DENND3: variants seen among roughly 807,000 people sequenced by gnomAD.
DENND3 encodes DENN domain containing 3.
DENND3 carries 88 observed loss-of-function variants against 135.1 expected under a neutral mutation model. The ratio of observed to expected loss-of-function variants is 0.65; its 90% CI spans 0.55 to 0.78. The LOEUF (loss-of-function observed/expected upper bound fraction) is 0.78, where lower values mean the gene tolerates loss of function less well. DENND3 is among the 30% of genes least tolerant of loss of function. DENND3 has a pLI of 0.00. For synonymous variants in DENND3, 693 were observed against 712.3 expected (o/e 0.97, Z 0.43); for missense variants, 1,392 against 1,688.4 (o/e 0.82, Z 3.08).
At position 141,168,919 on chromosome 8, in the gene DENND3, C is replaced by T. The variant is rs1355775015; in HGVS notation, c.2275+394C>T. Among the ~76,000 whole-genome samples the T allele has an allele frequency of 6.6e-6, 1 of 152,088 alleles. No homozygotes were observed. The highest frequency in any genetic ancestry group is 2.4e-5 in the African/African-American group (1 of 41,398). ...TGTCTCCCAGGTTGGAGTACAATGG[C>T]ACGATCTTGGCTCACTGCAACCTCT... On this transcript the variant is annotated intron_variant, in intron 13 of 22. Transcript: ENST00000519811. This position sits in a 1 kb window ranked among gnomAD's most constrained non-coding sequence, Gnocchi z 6.2.
intron 9 of DENND3, among the ~76,000 whole-genome samples, chr8:141,162,030 C>G (rs567786109): frequency 1.3e-5 from 2 of 152,266 alleles, no homozygotes; most frequent in East Asian, 3.9e-4. Context: ...GTCTCCAACT[C>G]CTGACCTCAG....
In DENND3 at chr8:141,141,112, T is replaced by C. The variant is rs1817399336; in HGVS notation, c.502-91T>C. On this transcript the variant is annotated intron_variant, in intron 3 of 22. Transcript: ENST00000519811. This position sits in a 1 kb window ranked among gnomAD's most constrained non-coding sequence, Gnocchi z 5.3. ...GGGGTGGGGATGGTGGACTCTCAGC[T>C]TGCTGTGTGCTGAAACGTGACCCAG... 1 of 1,589,782 alleles carries C rather than the reference T, an allele frequency of 6.3e-7. No individual in the cohort carries two copies. Among genetic ancestry groups the C allele is most frequent in the Non-Finnish European group, 8.6e-7 (1 of 1,164,500 alleles).
intron 16 of DENND3, 64 bp from the exon 17 acceptor site, chr8:141,180,683 C>A: frequency 7.0e-7 from 1 of 1,428,774 alleles, no homozygotes; most frequent in Non-Finnish European, 9.7e-7. Flanking sequence ...GTGCGTGAGG[C>A]CGTTGCATCG....
intron 8 of DENND3, chr8:141,157,759 CTTTT>C (rs374868733): frequency 2.6e-4 from 244 of 941,478 alleles, no homozygotes; most frequent in Middle Eastern, 5.5e-4. Flanking sequence ...AAAACTACCT[CTTTT>C]TTTTTTTTTT....
intron 17 of DENND3, chr8:141,184,472 T>A (rs1268367253): frequency 1.3e-5 from 2 of 150,122 alleles, no homozygotes; most frequent in East Asian, 3.9e-4. Context: ...CCTCGTCTAT[T>A]AAAAAGTAAA....
chr8:141,155,728 G>A (rs1819354137), intron 7 of DENND3, 121 bp from the exon 8 acceptor site: 2 of 1,295,556 alleles, frequency 1.5e-6, no homozygotes, highest in African/African-American at 3.0e-5. Context: ...TTTAAAGAGG[G>A]TCATTTAATT....
rs146326338 is a variant in DENND3 at position 141,194,235 on chromosome 8, C to T, written c.*2C>T. ...GTCGCCATTTGGAAAGGCGAATAAA[C>T]GTGGCTGAGTCTGCCAAGTGGAACT... On this transcript the variant is annotated 3_prime_UTR_variant, in exon 23 of 23. Coordinates refer to ENST00000519811, the MANE Select transcript of DENND3 (RefSeq NM_001352890.3). 98 of 1,611,268 alleles carry T rather than the reference C, an allele frequency of 6.1e-5. No homozygotes were observed. The highest frequency in any genetic ancestry group is 4.3e-4 in the African/African-American group (32 of 75,054).
At chr8:141,153,606 G>A (rs947841732) in intron 7 of DENND3, among the ~76,000 whole-genome samples, 2 of 152,230 alleles carry the variant, frequency 1.3e-5, no homozygotes, top group Admixed American at 6.5e-5. Flanking sequence ...CCCGCTGCGG[G>A]GGAGAACAGT....
chr8:141,186,692 T>C lies in DENND3; in HGVS notation c.3084+1414T>C, dbSNP rs535331437. Among the ~76,000 whole-genome samples the C allele has an allele frequency of 3.8e-4, 58 of 152,356 alleles. No homozygotes were observed. The South Asian group carries it at 0.011, about 30-fold the overall frequency. The stretch of plus-strand genomic sequence containing the variant: ...GATAATTTTAAAACAAGTGCAACTG[T>C]TAATACATTTTTAGTAGTGTGTCCT... On this transcript the variant is annotated intron_variant, in intron 18 of 22. Coordinates refer to ENST00000519811, the MANE Select transcript of DENND3 (RefSeq NM_001352890.3).
At position 141,166,930 on chromosome 8, in the gene DENND3, C is replaced by T. The variant is rs1406879629; in HGVS notation, c.1753+541C>T. On this transcript the variant is annotated intron_variant, in intron 12 of 22. Transcript: ENST00000519811. The surrounding 1 kb of genome is among the most constrained non-coding windows in gnomAD (Gnocchi z 4.3). ...AGCCTCGCGCCTTCTTGGGGAGGTA[C>T]GTCCTGTCCCTAGTGAATGGGAGAA... is the stretch of plus-strand genomic sequence containing the variant. Among the ~76,000 whole-genome samples the T allele has an allele frequency of 2.0e-5, 3 of 152,130 alleles. No individual in the cohort carries two copies. The highest frequency in any genetic ancestry group is 1.3e-4 in the Admixed American group (2 of 15,280).
At chr8:141,185,556 G>T in intron 18 of DENND3, 1 of 346,124 alleles carries the variant, frequency 2.9e-6, no homozygotes, top group Non-Finnish European at 5.5e-6. Context: ...AGATTGCAGG[G>T]GCTCACACCT....
rs1230494944 is a variant in DENND3, at chr8:141,154,904, G to A, written c.1075-945G>A. ...CTGAAAGAGAAAGGCATATGGGTAA[G>A]CAAAATGTGGTCTTTCCAAATAATG... On this transcript the variant is annotated intron_variant, in intron 7 of 22. Coordinates refer to ENST00000519811, the MANE Select transcript of DENND3 (RefSeq NM_001352890.3). This position sits in a 1 kb window ranked among gnomAD's most constrained non-coding sequence, Gnocchi z 4.4. Among the ~76,000 whole-genome samples, 2 of 152,216 alleles carry A rather than the reference G, an allele frequency of 1.3e-5. No homozygotes were observed. Among genetic ancestry groups the A allele is most frequent in the Non-Finnish European group, 2.9e-5 (2 of 68,034 alleles).
chr8:141,136,763 CCT>C lies in DENND3; in HGVS notation c.359_360del (p.Leu120HisfsTer16). The C allele has an allele frequency of 6.3e-7, 1 of 1,586,566 alleles. No individual in the cohort carries two copies. Among genetic ancestry groups the C allele is most frequent in the African/African-American group, 1.3e-5 (1 of 74,394 alleles). ...TCGCCGTCCCGGGCGGCGTGGACCT[CCT>C]CACCCTGCCGCAGCTGTGCTTCCCA... ...DVAVPGGVDLLTLPQLCFPGG... is the reference protein window; with the variant it reads ...DVAVPGGVDLXTLPQLCFPGG... On this transcript the variant is annotated frameshift_variant, in exon 2 of 23. Transcript: ENST00000519811. LOFTEE classifies it high-confidence loss of function.
intron 15 of DENND3, chr8:141,177,135 C>T (rs1044909619): frequency 4.1e-5 from 8 of 195,686 alleles, no homozygotes; most frequent in Admixed American, 2.8e-4. Context: ...CTGCTCTGAG[C>T]GACTCTTCAC....
chr8:141,186,550 G>A (rs994121583), intron 18 of DENND3, among the ~76,000 whole-genome samples: 3 of 152,168 alleles, frequency 2.0e-5, no homozygotes, highest in Non-Finnish European at 4.4e-5. Context: ...TAGCTCATCA[G>A]CGATCGTTAA....
At chr8:141,134,185 A>G (rs755570768) in intron 1 of DENND3, among the ~76,000 whole-genome samples, 17 of 152,182 alleles carry the variant, frequency 1.1e-4, no homozygotes, top group Non-Finnish European at 2.4e-4. Context: ...CTGATGGGAA[A>G]GTTTTAGAGA....
At chr8:141,132,040 T>C (rs1477563352) in intron 1 of DENND3, among the ~76,000 whole-genome samples, 1 of 152,178 alleles carries the variant, frequency 6.6e-6, no homozygotes. Flanking sequence ...TGGTGAAGAC[T>C]TGAGAACCAC....
intron 15 of DENND3, chr8:141,177,121 T>G: frequency 9.0e-6 from 2 of 222,400 alleles, no homozygotes; most frequent in Non-Finnish European, 8.9e-6. Context: ...TGTTTTGGGC[T>G]TCCCTGCTCT....
intron 1 of DENND3, among the ~76,000 whole-genome samples, chr8:141,133,255 T>G (rs1174999276): frequency 6.6e-6 from 1 of 152,052 alleles, no homozygotes; most frequent in African/African-American, 2.4e-5. Flanking sequence ...TAGTTTTGCT[T>G]GGCTTTGGGG....
Sources: allele counts gnomAD v4.1 joint callset (sites outside exome capture counted in the v4.1 genomes callset), GRCh38; gene constraint gnomAD v4.1.1; non-coding constraint Gnocchi (gnomAD v3.1); transcripts MANE v1.5; gene names NCBI Gene and HGNC (gene_info 2026-07-23, HGNC 2026-07-21).